Variants in HEPACAM2 observed in about 807,000 individuals in gnomAD.
HEPACAM2 encodes HEPACAM family member 2.
Under a neutral mutation model 49.6 loss-of-function variants are expected in HEPACAM2, and 49 were observed. That is an observed-to-expected ratio of 0.99 (90% CI 0.78 to 1.25). The LOEUF (loss-of-function observed/expected upper bound fraction) is 1.25, where lower values mean the gene tolerates loss of function less well. HEPACAM2 is among the 50% of genes most tolerant of loss of function. HEPACAM2 has a pLI of 0.00. For synonymous variants in HEPACAM2, 197 were observed against 202.9 expected (o/e 0.97, Z 0.25); for missense variants, 525 against 557.2 (o/e 0.94, Z 0.58).
chr7:93,216,657 C>T (rs1006521193), intron 2 of HEPACAM2, among the ~76,000 whole-genome samples: 2 of 152,188 alleles, frequency 1.3e-5, no homozygotes, highest in African/African-American at 4.8e-5. Flanking sequence ...CAGAGTTACA[C>T]AGCAGTCAGT....
upstream of HEPACAM2, among the ~76,000 whole-genome samples, chr7:93,226,825 G>A (rs958817877): frequency 1.3e-5 from 2 of 152,116 alleles, no homozygotes; most frequent in East Asian, 3.9e-4. Context: ...TTTCTATCAT[G>A]CAGAACTATG....
At chr7:93,189,921 C>T (rs1193318577) in intron 9 of HEPACAM2, among the ~76,000 whole-genome samples, 1 of 151,816 alleles carries the variant, frequency 6.6e-6, no homozygotes, top group East Asian at 1.9e-4. Context: ...TTTAATTGGA[C>T]CTAGAGGAGA....
At chr7:93,224,815 T>G (rs1452636336) in intron 1 of HEPACAM2, among the ~76,000 whole-genome samples, 2 of 152,160 alleles carry the variant, frequency 1.3e-5, no homozygotes, top group Non-Finnish European at 2.9e-5. Flanking sequence ...TCTTGCATCT[T>G]TAGAGAAAAT....
At chr7:93,219,666 G>A in intron 1 of HEPACAM2, 1 of 713,480 alleles carries the variant, frequency 1.4e-6, no homozygotes, top group Non-Finnish European at 2.1e-6. Context: ...CGTGCTGGTT[G>A]CACAAGATAA....
intron 3 of HEPACAM2, among the ~76,000 whole-genome samples, chr7:93,209,724 A>G (rs976866136): frequency 6.6e-6 from 1 of 151,932 alleles, no homozygotes; most frequent in Non-Finnish European, 1.5e-5. Flanking sequence ...TTTTTACAAG[A>G]GATTATGGCC....
At chr7:93,202,032 C>CAAAAAAAA (rs71998232) in intron 4 of HEPACAM2, among the ~76,000 whole-genome samples, 1 of 102,006 alleles carries the variant, frequency 9.8e-6, no homozygotes, top group East Asian at 2.8e-4. Flanking sequence ...AAAAAAAAAC[C>CAAAAAAAA]AAAAAAAAAA....
At chr7:93,192,024 GT>G (rs1793561083) in intron 9 of HEPACAM2, among the ~76,000 whole-genome samples, 1 of 152,094 alleles carries the variant, frequency 6.6e-6, no homozygotes, top group Non-Finnish European at 1.5e-5. Context: ...TGATTCTAGA[GT>G]TTTGTATCTA....
chr7:93,189,930 G>A (rs997596278), intron 9 of HEPACAM2, among the ~76,000 whole-genome samples: 2 of 151,846 alleles, frequency 1.3e-5, no homozygotes, highest in Non-Finnish European at 2.9e-5. Flanking sequence ...ACCTAGAGGA[G>A]AATAAAACCA....
chr7:93,188,543 T>C lies in HEPACAM2; in HGVS notation c.*724A>G, dbSNP rs922312631. Reference sequence around the variant, plus strand: ...AAACCAACGTCTACAATCTGATTTTTATGTAATATTTTTACTCTACAAGAC... The same window carrying C: ...AAACCAACGTCTACAATCTGATTTTCATGTAATATTTTTACTCTACAAGAC... On this transcript the variant is annotated 3_prime_UTR_variant, in exon 10 of 10. Coordinates refer to ENST00000394468, the MANE Select transcript of HEPACAM2 (RefSeq NM_001039372.4). 1 of 152,270 alleles carries C rather than the reference T, an allele frequency of 6.6e-6. No individual in the cohort carries two copies. The highest frequency in any genetic ancestry group is 1.5e-5 in the Non-Finnish European group (1 of 68,170). 9.4% of individuals were successfully genotyped at this position (152,270 alleles called of 1,614,324 possible). A position where few individuals can be genotyped will look rare whatever the true frequency, so the allele number is the denominator to read the frequency against.
At chr7:93,208,180 A>G (rs961980638) in intron 4 of HEPACAM2, among the ~76,000 whole-genome samples, 9 of 152,188 alleles carry the variant, frequency 5.9e-5, no homozygotes, top group African/African-American at 2.2e-4. Context: ...AGGGGAATCA[A>G]ATAGAAGTAG....
intron 3 of HEPACAM2, among the ~76,000 whole-genome samples, chr7:93,210,003 T>A (rs751580136): frequency 6.6e-6 from 1 of 152,000 alleles, no homozygotes; most frequent in African/African-American, 2.4e-5. Flanking sequence ...GGTGTTTTTT[T>A]CCACATTGCA....
At chr7:93,203,128 G>A (rs1009236381) in intron 4 of HEPACAM2, among the ~76,000 whole-genome samples, 1 of 152,120 alleles carries the variant, frequency 6.6e-6, no homozygotes, top group Non-Finnish European at 1.5e-5. Context: ...AACCACGGCT[G>A]TGGCAAAGGC....
rs139275299 is a variant in HEPACAM2 at position 93,225,836 on chromosome 7, G to A, written c.79+532C>T. 270 of 816,340 alleles carry A rather than the reference G, an allele frequency of 3.3e-4. No homozygotes were observed. In the African/African-American group the frequency reaches 4.2e-3, roughly 13 times the overall value. The allele number at this position is 816,340 out of a possible 1,614,324, so 50.6% of individuals were successfully genotyped here. A position where few individuals can be genotyped will look rare whatever the true frequency, so the allele number is the denominator to read the frequency against. On this transcript the variant is annotated intron_variant, in intron 1 of 9. Coordinates refer to ENST00000394468, the MANE Select transcript of HEPACAM2 (RefSeq NM_001039372.4). ...TTGGAGTAACAATCTTTTCAAATAC[G>A]TTCTCCCTTTTGTGTAGGAAATTTT...
At chr7:93,216,706 C>T (rs953247737) in intron 2 of HEPACAM2, among the ~76,000 whole-genome samples, 2 of 152,164 alleles carry the variant, frequency 1.3e-5, no homozygotes, top group African/African-American at 2.4e-5. Context: ...CAATGTTTCT[C>T]TTCTGCATTT....
At chr7:93,198,833 G>A (rs1793802911) in intron 4 of HEPACAM2, among the ~76,000 whole-genome samples, 1 of 152,020 alleles carries the variant, frequency 6.6e-6, no homozygotes, top group African/African-American at 2.4e-5. Context: ...TCTCTGCTGA[G>A]ATCTCCAACA....
chr7:93,210,535 TATATTA>T (rs1225596820), intron 3 of HEPACAM2, among the ~76,000 whole-genome samples: 4 of 151,938 alleles, frequency 2.6e-5, no homozygotes, highest in Non-Finnish European at 4.4e-5. Context: ...TTACTAATTA[TATATTA>T]ATATTAATTC....
Position 93,189,231 on chromosome 7 carries a change from A to G in HEPACAM2, c.*36T>C, listed in dbSNP as rs1288127817. Reference sequence around the variant, plus strand: ...GTTTTTCCTTAAAATGTTTCTTCAGAATTTCACTCGAATGTACTGTTTAGC... The same window carrying G: ...GTTTTTCCTTAAAATGTTTCTTCAGGATTTCACTCGAATGTACTGTTTAGC... On this transcript the variant is annotated 3_prime_UTR_variant, in exon 10 of 10. Coordinates refer to ENST00000394468, the MANE Select transcript of HEPACAM2 (RefSeq NM_001039372.4). The G allele has an allele frequency of 4.5e-6, 7 of 1,571,720 alleles. No homozygotes were observed. The highest frequency in any genetic ancestry group is 6.1e-6 in the Non-Finnish European group (7 of 1,146,556).
intron 4 of HEPACAM2, among the ~76,000 whole-genome samples, chr7:93,198,885 G>T (rs1040703251): frequency 6.6e-6 from 1 of 152,072 alleles, no homozygotes. Flanking sequence ...CTTTCTCTCA[G>T]TATGAACCTA....
chr7:93,218,168 G>A (rs1179251348), intron 2 of HEPACAM2, among the ~76,000 whole-genome samples: 1 of 152,112 alleles, frequency 6.6e-6, no homozygotes, highest in African/African-American at 2.4e-5. Flanking sequence ...AATGGGGTCA[G>A]ATAGGCGCTG....
Sources: gnomAD v4.1 joint callset for allele counts (sites outside exome capture counted in the v4.1 genomes callset) on GRCh38, gnomAD v4.1.1 for gene constraint, MANE v1.5 for transcripts, NCBI Gene and HGNC (gene_info 2026-07-23, HGNC 2026-07-21) for gene names.